The following SH3D21 variants were observed in gnomAD, a reference collection of about 807,000 sequenced individuals.
SH3D21 encodes the protein manchette microtubule inner protein 1, also known as SH3 domain-containing protein 21.
A neutral mutation model predicts 82.1 loss-of-function variants in SH3D21; 83 were observed. The ratio of observed to expected loss-of-function variants is 1.01; its 90% CI spans 0.85 to 1.21. The LOEUF (loss-of-function observed/expected upper bound fraction) is 1.21, where lower values mean the gene tolerates loss of function less well. Among genes scored for constraint, SH3D21 ranks in the 50% most tolerant of loss-of-function variants. SH3D21 has a pLI of 0.00. For missense variants in SH3D21, 980 were observed against 962.1 expected, an observed-to-expected ratio of 1.02 and a Z score of -0.25; for synonymous variants, 383 against 387.8, an observed-to-expected ratio of 0.99 and a Z score of 0.15.
rs767973883 is a variant in SH3D21, at chr1:36,319,705, C to T, written c.1042C>T (p.Pro348Ser). Residue 348 changes from proline to serine, a missense_variant, in exon 14 of 16, where the codon CCC becomes TCC. Transcript: ENST00000453908. ...AGAGCACAGCAGCCCGGTAAAGGCC[C>T]CCTCTGTGAAGAGAACCCCCATGCC... ...EEEHSSPVKA[P>S]SVKRTPMPDK... The T allele has an allele frequency of 6.3e-7, 1 of 1,593,918 alleles. No individual in the cohort carries two copies. The highest frequency in any genetic ancestry group is 1.8e-5 in the Admixed American group (1 of 56,638).
intron 10 of SH3D21, among the ~76,000 whole-genome samples, chr1:36,315,065 AG>A (rs1346149210): frequency 6.6e-6 from 1 of 152,062 alleles, no homozygotes; most frequent in Non-Finnish European, 1.5e-5. Flanking sequence ...GCTTGAGGTC[AG>A]GAGTTTGAGA....
chr1:36,306,494 C>A lies in SH3D21; in HGVS notation c.4+70C>A. ...CATAGCAAGAGCCCACACCACCCCC[C>A]GACCCCCGCTGCCCTCTACGGTGCT... On this transcript the variant is annotated intron_variant, in intron 1 of 15. Transcript: ENST00000453908. The surrounding 1 kb of genome is among the most constrained non-coding windows in gnomAD (Gnocchi z 4.5). 7.7e-7 allele frequency: 1 copy of A among 1,304,882 alleles called. No individual in the cohort carries two copies. The highest frequency in any genetic ancestry group is 1.2e-5 in the South Asian group (1 of 81,000). 80.8% of individuals were successfully genotyped at this position (1,304,882 alleles called of 1,614,324 possible).
chr1:36,316,765 T>C (rs1415945173), intron 10 of SH3D21, among the ~76,000 whole-genome samples: 33 of 35,932 alleles, frequency 9.2e-4, no homozygotes, highest in East Asian at 2.9e-3. Flanking sequence ...TTCTCTCTCT[T>C]TTTTTTTTTT....
At chr1:36,327,793 C>A, downstream of SH3D21, 1 of 1,269,210 alleles carries the variant, frequency 7.9e-7, no homozygotes, top group South Asian at 1.3e-5. Flanking sequence ...AGAAGCACTG[C>A]TCCTGGAGGC....
At chr1:36,311,795 G>A (rs929802509) in intron 10 of SH3D21, among the ~76,000 whole-genome samples, 9 of 151,828 alleles carry the variant, frequency 5.9e-5, no homozygotes, top group African/African-American at 2.2e-4. Flanking sequence ...CTGGGCTTAA[G>A]CGATTCTTTC....
At chr1:36,329,930 G>A (rs746525716), downstream of SH3D21, among the ~76,000 whole-genome samples, 6 of 151,936 alleles carry the variant, frequency 3.9e-5, no homozygotes, top group Admixed American at 6.6e-5. Context: ...TGTGACCTCC[G>A]CACAGCTCCC....
intron 10 of SH3D21, among the ~76,000 whole-genome samples, chr1:36,313,634 C>G (rs913178304): frequency 6.6e-6 from 1 of 152,028 alleles, no homozygotes; most frequent in Admixed American, 6.6e-5. Flanking sequence ...TGTGGTGGCA[C>G]AATGGGAGCT....
Position 36,320,276 on chromosome 1 carries a change from C to G in SH3D21, c.1613C>G (p.Pro538Arg). ...EEAHTPEAPP[P>R]QPPSSERCLG... ...GCCCACACGCCAGAGGCACCCCCACCCCAGCCTCCTTCCTCAGAGAGGTGC... is the reference window on the plus strand; with the variant it reads ...GCCCACACGCCAGAGGCACCCCCACGCCAGCCTCCTTCCTCAGAGAGGTGC... The change falls in exon 14 of 16, where the codon CCC (proline) becomes CGC (arginine). Residue 538 changes from proline (P) to arginine (R), a missense_variant. By Grantham distance (103) the Pro-to-Arg change is moderately radical. Coordinates refer to ENST00000453908, the MANE Select transcript of SH3D21 (RefSeq NM_001162530.2). 6.2e-7 allele frequency: 1 copy of G among 1,612,748 alleles called. No homozygotes were observed. The highest frequency in any genetic ancestry group is 8.5e-7 in the Non-Finnish European group (1 of 1,179,808).
intron 8 of SH3D21, 37 bp from the exon 9 acceptor site, chr1:36,308,352 C>A: frequency 8.4e-6 from 13 of 1,538,756 alleles, no homozygotes; most frequent in Non-Finnish European, 1.1e-5. Flanking sequence ...CCTTGGGGGA[C>A]CTGGCTCACC....
downstream of SH3D21, chr1:36,322,633 C>A: frequency 2.6e-6 from 4 of 1,545,214 alleles, no homozygotes; most frequent in Non-Finnish European, 3.5e-6. Context: ...GGGCGGGGCG[C>A]CCACGAGATG....
downstream of SH3D21, among the ~76,000 whole-genome samples, chr1:36,326,305 C>T (rs1646544682): frequency 6.6e-6 from 1 of 151,402 alleles, no homozygotes; most frequent in African/African-American, 2.4e-5. Context: ...GATCTCTGCT[C>T]ACTGCAACCT....
At chr1:36,330,153 C>A (rs555042763), downstream of SH3D21, among the ~76,000 whole-genome samples, 1 of 152,306 alleles carries the variant, frequency 6.6e-6, no homozygotes, top group East Asian at 1.9e-4. Context: ...CCCTGTAAAG[C>A]CCTGCTGCAG....
downstream of SH3D21, chr1:36,328,062 A>C (rs1426465741): frequency 2.2e-6 from 1 of 463,866 alleles, no homozygotes. Context: ...CTGTCTGCTC[A>C]CCTGCCTGCT....
downstream of SH3D21, chr1:36,322,370 C>A (rs888792187): frequency 1.9e-6 from 3 of 1,590,016 alleles, no homozygotes; most frequent in East Asian, 6.7e-5. Flanking sequence ...CCAGCAGGTC[C>A]GGCTGCCCGG....
At position 36,307,351 on chromosome 1, in the gene SH3D21, G is replaced by A; in HGVS notation, c.345+66G>A. ...GGAACGCGCCTCCCTAGTGAGCGGG[G>A]TGGGAAGTGAGGGTGTGGACGGTGG... On this transcript the variant is annotated intron_variant, in intron 4 of 15. Coordinates refer to ENST00000453908, the MANE Select transcript of SH3D21 (RefSeq NM_001162530.2). This position sits in a 1 kb window ranked among gnomAD's most constrained non-coding sequence, Gnocchi z 5.4. 2 of 1,542,300 alleles carry A rather than the reference G, an allele frequency of 1.3e-6. No individual in the cohort carries two copies. The highest frequency in any genetic ancestry group is 2.0e-5 in the Admixed American group (1 of 50,774).
downstream of SH3D21, chr1:36,327,880 G>T (rs1034995950): frequency 2.5e-5 from 32 of 1,289,768 alleles, no homozygotes; most frequent in African/African-American, 2.0e-4. Context: ...CCCCTGCCTA[G>T]CTGCTTGACT....
chr1:36,320,462 C>T lies in SH3D21; in HGVS notation c.1799C>T (p.Pro600Leu). The T allele has an allele frequency of 1.2e-6, 2 of 1,613,674 alleles. No homozygotes were observed. The highest frequency in any genetic ancestry group is 1.7e-6 in the Non-Finnish European group (2 of 1,179,866). Residue 600 changes from proline to leucine, a missense_variant, in exon 14 of 16, where the codon CCT becomes CTT. Coordinates refer to ENST00000453908, the MANE Select transcript of SH3D21 (RefSeq NM_001162530.2). The stretch of plus-strand genomic sequence containing the variant: ...GCACCTTCCAATGACGAGAGGACCC[C>T]TGAAGAGGAGGCGCCCCCCAACGAG... ...EEAPSNDERT[P>L]EEEAPPNEQR...
downstream of SH3D21, among the ~76,000 whole-genome samples, chr1:36,329,703 TG>T (rs1646575439): frequency 6.7e-6 from 1 of 149,876 alleles, no homozygotes. Context: ...ATGAACACAA[TG>T]AAAAAAAAAA....
downstream of SH3D21, among the ~76,000 whole-genome samples, chr1:36,327,530 T>G (rs1646557004): frequency 6.6e-6 from 1 of 152,264 alleles, no homozygotes; most frequent in Non-Finnish European, 1.5e-5. Context: ...TGCACCTCTG[T>G]GCTACGCAGC....
Sources: allele counts gnomAD v4.1 joint callset (sites outside exome capture counted in the v4.1 genomes callset), GRCh38; gene constraint gnomAD v4.1.1; non-coding constraint Gnocchi (gnomAD v3.1); transcripts MANE v1.5; gene names NCBI Gene and HGNC (gene_info 2026-07-23, HGNC 2026-07-21).